The following STK33 variants were observed in gnomAD, a reference collection of about 807,000 sequenced individuals.
STK33 encodes serine/threonine-protein kinase 33.
A neutral mutation model predicts 58.0 loss-of-function variants in STK33; 52 were observed. The ratio of observed to expected loss-of-function variants is 0.90; its 90% CI spans 0.72 to 1.13. The LOEUF is 1.13. Ranked by LOEUF, STK33 falls within the 50% of genes most tolerant of loss-of-function variation. STK33 has a pLI of 0.00. For missense variants in STK33, 630 were observed against 604.2 expected (o/e 1.04, Z -0.45); for synonymous variants, 215 against 200.1 (o/e 1.07, Z -0.63).
the STK33 span, among the ~76,000 whole-genome samples, chr11:8,377,976 A>G: frequency 1.3e-5 from 2 of 152,212 alleles, no homozygotes; most frequent in Non-Finnish European, 2.9e-5. Context: ...CTAGAAACAC[A>G]TCCCAAGCTC....
intron 11 of STK33, among the ~76,000 whole-genome samples, chr11:8,443,329 A>G (rs1198123026): frequency 6.6e-6 from 1 of 152,218 alleles, no homozygotes; most frequent in Non-Finnish European, 1.5e-5. Flanking sequence ...TATCCAACGC[A>G]TCATTTGCAA....
chr11:8,518,054 T>C (rs1952980527), intron 1 of STK33, among the ~76,000 whole-genome samples: 1 of 151,796 alleles, frequency 6.6e-6, no homozygotes, highest in South Asian at 2.1e-4. Context: ...TTCACCAAAG[T>C]TGAAATGAAG....
rs564263065 is a variant in STK33 at position 8,425,058 on chromosome 11, C to T, written c.1146+10436G>A. On this transcript the variant is annotated intron_variant, in intron 14 of 15. Coordinates refer to ENST00000687296, the MANE Select transcript of STK33 (RefSeq NM_001352389.2). ...TGGTGTTTTAGACATGAAGTCCTTG[C>T]CCATGCCTATGTCCTGAATGGTATT... Among the ~76,000 whole-genome samples, 20 of 146,722 alleles carry T rather than the reference C, an allele frequency of 1.4e-4. No homozygotes were observed. In the South Asian group the frequency reaches 4.6e-3, roughly 34 times the overall value.
chr11:8,420,045 T>A (rs10840041), intron 14 of STK33, among the ~76,000 whole-genome samples: 29,102 of 152,012 alleles, frequency 0.19, 3,413 homozygotes, highest in African/African-American at 0.31. Context: ...TAGATTCAAG[T>A]GATCCTCCTG....
chr11:8,531,201 C>A (rs1266091905), intron 1 of STK33, among the ~76,000 whole-genome samples: 1 of 151,864 alleles, frequency 6.6e-6, no homozygotes, highest in East Asian at 1.9e-4. Context: ...ATAAATACCC[C>A]CCAACTTCGC....
At chr11:8,478,486 G>A (rs1949488754) in intron 2 of STK33, among the ~76,000 whole-genome samples, 1 of 152,068 alleles carries the variant, frequency 6.6e-6, no homozygotes, top group African/African-American at 2.4e-5. Context: ...TTAGAACTAA[G>A]GCAAGTCAAT....
intron 7 of STK33, among the ~76,000 whole-genome samples, chr11:8,462,883 T>C (rs939737755): frequency 6.6e-6 from 1 of 152,140 alleles, no homozygotes; most frequent in African/African-American, 2.4e-5. Flanking sequence ...AGGATAAGCA[T>C]TGTCCTCATT....
chr11:8,453,882 T>C (rs1449908627), intron 10 of STK33, among the ~76,000 whole-genome samples: 2 of 152,242 alleles, frequency 1.3e-5, no homozygotes, highest in South Asian at 2.1e-4. Context: ...TATCTTTCTT[T>C]ACAGAAAATC....
the STK33 span, among the ~76,000 whole-genome samples, chr11:8,365,236 G>T: frequency 6.6e-6 from 1 of 152,170 alleles, no homozygotes; most frequent in Admixed American, 6.5e-5. Context: ...TGTGGGGCTG[G>T]AATTGCCTTA....
At chr11:8,582,312 A>T (rs1032271036) in intron 1 of STK33, among the ~76,000 whole-genome samples, 4 of 152,260 alleles carry the variant, frequency 2.6e-5, no homozygotes, top group Non-Finnish European at 5.9e-5. Context: ...ATTCTCAATT[A>T]TACAAAACAA....
intron 15 of STK33, among the ~76,000 whole-genome samples, chr11:8,409,411 T>C (rs1161028752): frequency 6.6e-6 from 1 of 152,188 alleles, no homozygotes; most frequent in Non-Finnish European, 1.5e-5. Context: ...TACACCCTTT[T>C]AACGTTCCAT....
At chr11:8,338,180 C>T in the STK33 span, among the ~76,000 whole-genome samples, 4 of 152,186 alleles carry the variant, frequency 2.6e-5, no homozygotes, top group Non-Finnish European at 2.9e-5. Flanking sequence ...GACCACAGGC[C>T]ATACACAGGG....
chr11:8,400,156 G>C (rs1231342510), intron 15 of STK33, among the ~76,000 whole-genome samples: 1 of 152,070 alleles, frequency 6.6e-6, no homozygotes, highest in Non-Finnish European at 1.5e-5. Context: ...GCCTGGCAGA[G>C]ACACAACAAA....
the STK33 span, among the ~76,000 whole-genome samples, chr11:8,337,667 G>C: frequency 1.3e-5 from 2 of 151,144 alleles, no homozygotes; most frequent in Middle Eastern, 6.8e-3. Flanking sequence ...CCTGCCCTCA[G>C]CCTGCTCTCT....
At chr11:8,423,605 A>T (rs1008847444) in intron 14 of STK33, among the ~76,000 whole-genome samples, 5 of 152,092 alleles carry the variant, frequency 3.3e-5, no homozygotes, top group Admixed American at 1.3e-4. Context: ...TGTTAACTTT[A>T]TTAAGGCTTC....
At chr11:8,356,942 G>C in the STK33 span, among the ~76,000 whole-genome samples, 188 of 152,336 alleles carry the variant, frequency 1.2e-3, no homozygotes, top group African/African-American at 4.5e-3. Context: ...CCCTGAGCTA[G>C]AGGAAGCCGT....
chr11:8,402,921 A>G (rs1372636721), intron 15 of STK33, among the ~76,000 whole-genome samples: 1 of 152,240 alleles, frequency 6.6e-6, no homozygotes, highest in Non-Finnish European at 1.5e-5. Flanking sequence ...TCAGGGATCT[A>G]TGCTGTCACT....
chr11:8,464,362 G>A (rs998065808), intron 7 of STK33, among the ~76,000 whole-genome samples: 3 of 152,160 alleles, frequency 2.0e-5, no homozygotes, highest in Admixed American at 1.3e-4. Context: ...TCAGGAGAGA[G>A]TATCTGCACT....
At chr11:8,490,582 T>A (rs1310922582) in intron 1 of STK33, among the ~76,000 whole-genome samples, 2 of 152,132 alleles carry the variant, frequency 1.3e-5, no homozygotes, top group African/African-American at 4.8e-5. Flanking sequence ...CCCAGCATGG[T>A]GTTTGAGCTC....
Sources: allele counts gnomAD v4.1 joint callset (sites outside exome capture counted in the v4.1 genomes callset), GRCh38; gene constraint gnomAD v4.1.1; transcripts MANE v1.5; gene names NCBI Gene and HGNC (gene_info 2026-07-23, HGNC 2026-07-21).